Variants in RARB observed in about 807,000 individuals in gnomAD.
The protein encoded by RARB is retinoic acid receptor beta, also known as HBV-activated protein.
In RARB, 17 loss-of-function variants were observed where a neutral mutation model predicts 51.9. The observed-to-expected ratio is 0.33, with a 90% CI of 0.22 to 0.49. RARB has a LOEUF of 0.49. RARB is among the 20% of genes least tolerant of loss of function. The probability of loss-of-function intolerance (pLI) is 0.99; values close to 1 mark genes in which losing one functional copy is unlikely to be tolerated. For missense variants in RARB, 369 were observed against 550.8 expected, an observed-to-expected ratio of 0.67 and a Z score of 3.30; for synonymous variants, 215 against 195.4, an observed-to-expected ratio of 1.10 and a Z score of -0.84.
chr3:25,233,749 G>A (rs929885000), intron 5 of RARB, among the ~76,000 whole-genome samples: 15 of 149,546 alleles, frequency 1.0e-4, no homozygotes, highest in Non-Finnish European at 1.5e-4. Context: ...TTTGCCAGGC[G>A]TTTTTGTTTG....
chr3:25,495,504 A>G (rs1696978725), intron 2 of RARB, among the ~76,000 whole-genome samples: 1 of 152,214 alleles, frequency 6.6e-6, no homozygotes, highest in Non-Finnish European at 1.5e-5. Flanking sequence ...CCTCAGGGAG[A>G]CAGAAGTAAT....
In RARB at chr3:25,412,467, T is replaced by G. The variant is rs138507058; in HGVS notation, c.179-48726T>G. ...TTTTCCCAGCCCCCAATATCTGACC[T>G]GCTCATGTTGAGAGCTCCTTCCATT... On this transcript the variant is annotated intron_variant, in intron 5 of 11. Transcript: ENST00000383772. Among the ~76,000 whole-genome samples, 99 of 152,314 alleles carry G rather than the reference T, an allele frequency of 6.5e-4. 1 individual carries two copies. The highest frequency in any genetic ancestry group is 2.2e-3 in the African/African-American group (92 of 41,574).
At chr3:24,973,275 A>C (rs773559597) in intron 2 of RARB, among the ~76,000 whole-genome samples, 1 of 152,072 alleles carries the variant, frequency 6.6e-6, no homozygotes, top group Non-Finnish European at 1.5e-5. Flanking sequence ...GTCAAAACTG[A>C]GTTGGCTGTA....
intron 5 of RARB, among the ~76,000 whole-genome samples, chr3:25,224,784 T>G (rs1310645095): frequency 6.6e-6 from 1 of 152,028 alleles, no homozygotes; most frequent in Admixed American, 6.6e-5. Context: ...TTTTGTATTT[T>G]TAGTAGAGAC....
chr3:25,590,805 G>T (rs1244152409), intron 5 of RARB, among the ~76,000 whole-genome samples: 1 of 152,194 alleles, frequency 6.6e-6, no homozygotes, highest in Non-Finnish European at 1.5e-5. Flanking sequence ...ACTGTCACTT[G>T]ATAACTCCCT....
intron 5 of RARB, among the ~76,000 whole-genome samples, chr3:25,224,727 C>T (rs1160775388): frequency 1.3e-5 from 2 of 152,048 alleles, no homozygotes; most frequent in African/African-American, 4.8e-5. Context: ...CTCACCTCAG[C>T]CTCCCAAGTA....
At position 25,301,703 on chromosome 3, in the gene RARB, A is replaced by G. The variant is rs192729980; in HGVS notation, c.178+127128A>G. Among the ~76,000 whole-genome samples, 31 of 152,342 alleles carry G rather than the reference A, an allele frequency of 2.0e-4. 1 individual carries two copies. In the East Asian group the frequency reaches 5.0e-3, roughly 25 times the overall value. The stretch of plus-strand genomic sequence containing the variant: ...ACTTAAAGTGCTAGTCTTGACAAGA[A>G]CAAAGACCCTGTGCTCCTGTCCCTA... On this transcript the variant is annotated intron_variant, in intron 5 of 11. Transcript: ENST00000383772.
At chr3:25,548,066 T>C (rs1161357097) in intron 3 of RARB, among the ~76,000 whole-genome samples, 1 of 151,380 alleles carries the variant, frequency 6.6e-6, no homozygotes, top group Non-Finnish European at 1.5e-5. Context: ...GCCCTCCCCC[T>C]GTAAAATATA....
At chr3:24,999,383 A>C (rs1697110200) in intron 2 of RARB, among the ~76,000 whole-genome samples, 1 of 152,090 alleles carries the variant, frequency 6.6e-6, no homozygotes, top group Non-Finnish European at 1.5e-5. Flanking sequence ...GTGCATGCTG[A>C]GTTTGGGGAG....
intron 5 of RARB, among the ~76,000 whole-genome samples, chr3:25,244,459 A>T (rs919696308): frequency 2.0e-5 from 3 of 151,952 alleles, no homozygotes; most frequent in Non-Finnish European, 2.9e-5. Flanking sequence ...AGTGTTACAA[A>T]TTTCCCTCTA....
rs148375751 is a variant in RARB at position 25,075,382 on chromosome 3, A to G, written c.-328+15206A>G. ...CAGCATTATGTTTACAGCCCACAGA[A>G]ACCTTTTCTGTGCAGTAATTTAGCT... On this transcript the variant is annotated intron_variant, in intron 3 of 11. Coordinates refer to the RARB transcript ENST00000383772. Among the ~76,000 whole-genome samples the G allele has an allele frequency of 3.2e-3, 490 of 152,246 alleles. 4 individuals carry two copies. The highest frequency in any genetic ancestry group is 0.011 in the African/African-American group (459 of 41,546).
chr3:25,456,013 A>G (rs1694885938), intron 1 of RARB, among the ~76,000 whole-genome samples: 1 of 152,210 alleles, frequency 6.6e-6, no homozygotes, highest in African/African-American at 2.4e-5. Flanking sequence ...TGGGAAGTCT[A>G]AAAACTGCTT....
intron 5 of RARB, among the ~76,000 whole-genome samples, chr3:25,306,867 C>A (rs1704166001): frequency 1.3e-5 from 2 of 152,120 alleles, no homozygotes; most frequent in Admixed American, 6.6e-5. Flanking sequence ...AGTCATTTGT[C>A]TATTTGAATT....
At chr3:25,361,540 A>T (rs1416771096) in intron 5 of RARB, among the ~76,000 whole-genome samples, 1 of 152,082 alleles carries the variant, frequency 6.6e-6, no homozygotes. Context: ...AGGAGTTGTG[A>T]TCCTTTGGAG....
intron 2 of RARB, among the ~76,000 whole-genome samples, chr3:24,933,390 A>T (rs1200080435): frequency 1.3e-5 from 2 of 152,120 alleles, no homozygotes; most frequent in Non-Finnish European, 2.9e-5. Flanking sequence ...AAATTTCCAT[A>T]GGTGCAGTTT....
intron 3 of RARB, among the ~76,000 whole-genome samples, chr3:25,122,590 G>A (rs1423020863): frequency 1.3e-5 from 2 of 152,148 alleles, no homozygotes; most frequent in Non-Finnish European, 2.9e-5. Flanking sequence ...AGGGGGACAA[G>A]TTAGCTCTCT....
intron 2 of RARB, among the ~76,000 whole-genome samples, chr3:24,965,573 C>T (rs1017132039): frequency 3.3e-5 from 5 of 152,140 alleles, no homozygotes; most frequent in Admixed American, 2.6e-4. Flanking sequence ...TCCAATACTA[C>T]CCTAAAGGTT....
intron 2 of RARB, among the ~76,000 whole-genome samples, chr3:25,036,056 G>A (rs1357880943): frequency 6.6e-6 from 1 of 152,176 alleles, no homozygotes; most frequent in Non-Finnish European, 1.5e-5. Flanking sequence ...CAAGTACTAT[G>A]CCACGCTGTG....
In RARB at chr3:25,175,065, A is replaced by G. The variant is rs548707400; in HGVS notation, c.178+490A>G. Among the ~76,000 whole-genome samples, 8 of 152,308 alleles carry G rather than the reference A, an allele frequency of 5.3e-5. No homozygotes were observed. The South Asian group carries it at 1.0e-3, about 20-fold the overall frequency. On this transcript the variant is annotated intron_variant, in intron 5 of 11. Transcript: ENST00000383772. ...GACCTTTGCTACCAATTCATATCACATTAAGCTTTTTTAGTGTCCTTGGCA... is the reference window on the plus strand; with the variant it reads ...GACCTTTGCTACCAATTCATATCACGTTAAGCTTTTTTAGTGTCCTTGGCA...
Sources: gnomAD v4.1 joint callset for allele counts (sites outside exome capture counted in the v4.1 genomes callset) on GRCh38, gnomAD v4.1.1 for gene constraint, MANE v1.5 for transcripts, NCBI Gene and HGNC (gene_info 2026-07-23, HGNC 2026-07-21) for gene names.